DIP2C: variants seen among roughly 807,000 people sequenced by gnomAD.
The protein encoded by DIP2C is DIP2 acetate--CoA ligase C (putative).
Under a neutral mutation model 192.4 loss-of-function variants are expected in DIP2C, and 33 were observed. That is an observed-to-expected ratio of 0.17 (90% CI 0.13 to 0.23). The LOEUF is 0.23. Ranked by LOEUF, DIP2C falls within the 10% of genes least tolerant of loss-of-function variation. The pLI is 1.00. For synonymous variants in DIP2C, 979 were observed against 864.1 expected, an observed-to-expected ratio of 1.13 and a Z score of -2.33; for missense variants, 1,537 against 2,110.1, an observed-to-expected ratio of 0.73 and a Z score of 5.32.
chr10:674,924 C>T (rs1442838823), intron 1 of DIP2C, among the ~76,000 whole-genome samples: 1 of 151,418 alleles, frequency 6.6e-6, no homozygotes, highest in East Asian at 1.9e-4. Context: ...ATTTAAAGTA[C>T]AGTATAGACC....
At chr10:299,263 T>G (rs1955905789) in intron 32 of DIP2C, among the ~76,000 whole-genome samples, 1 of 152,250 alleles carries the variant, frequency 6.6e-6, no homozygotes, top group African/African-American at 2.4e-5. Context: ...TTCAGTAATT[T>G]TAATATTGAT....
intron 1 of DIP2C, chr10:650,768 T>C (rs1384384996): frequency 4.5e-6 from 3 of 662,114 alleles, no homozygotes; most frequent in Non-Finnish European, 8.4e-6. Context: ...TTTAAGTTGT[T>C]TTCTGTAATT....
intron 31 of DIP2C, among the ~76,000 whole-genome samples, chr10:326,182 C>G (rs1957265246): frequency 6.6e-6 from 1 of 152,104 alleles, no homozygotes; most frequent in African/African-American, 2.4e-5. Context: ...CAGAGTGATA[C>G]CCTGTCTCAA....
intron 24 of DIP2C, among the ~76,000 whole-genome samples, chr10:351,830 C>T (rs888001379): frequency 6.6e-6 from 1 of 152,170 alleles, no homozygotes; most frequent in East Asian, 1.9e-4. Flanking sequence ...TTGCCGCCAA[C>T]GTCCTCTGAG....
At chr10:428,179 CAT>C (rs1426248335) in intron 4 of DIP2C, among the ~76,000 whole-genome samples, 1 of 152,046 alleles carries the variant, frequency 6.6e-6, no homozygotes, top group African/African-American at 2.4e-5. Flanking sequence ...ATTCTAAGAT[CAT>C]AAAAAACTAA....
chr10:524,376 T>C (rs1053974702), intron 1 of DIP2C, among the ~76,000 whole-genome samples: 2 of 152,244 alleles, frequency 1.3e-5, no homozygotes, highest in Non-Finnish European at 2.9e-5. Context: ...ATTACCTTCA[T>C]GGTCATCAAG....
intron 1 of DIP2C, among the ~76,000 whole-genome samples, chr10:522,908 C>A (rs1040184707): frequency 2.6e-5 from 4 of 152,004 alleles, no homozygotes; most frequent in Non-Finnish European, 5.9e-5. Context: ...CTCGTTTCTA[C>A]CTGAGCAAAG....
chr10:407,022 C>G (rs906320156), intron 9 of DIP2C, among the ~76,000 whole-genome samples: 1 of 152,122 alleles, frequency 6.6e-6, no homozygotes, highest in Non-Finnish European at 1.5e-5. Context: ...AGCCCTCACC[C>G]GCCAAGTTAT....
At chr10:498,401 C>T (rs1224476234) in intron 1 of DIP2C, among the ~76,000 whole-genome samples, 1 of 152,130 alleles carries the variant, frequency 6.6e-6, no homozygotes, top group East Asian at 1.9e-4. Flanking sequence ...CCTGAGTGAA[C>T]TAATTCCACT....
intron 1 of DIP2C, among the ~76,000 whole-genome samples, chr10:677,315 C>G (rs1344257742): frequency 1.3e-5 from 2 of 152,188 alleles, no homozygotes; most frequent in African/African-American, 2.4e-5. Flanking sequence ...AGTTTCAACC[C>G]CAGCACAATT....
intron 1 of DIP2C, among the ~76,000 whole-genome samples, chr10:589,945 T>G (rs1851305209): frequency 6.6e-6 from 1 of 152,236 alleles, no homozygotes; most frequent in South Asian, 2.1e-4. Context: ...CTGAGAAGCG[T>G]GTGATAAGTT....
At chr10:405,584 A>G (rs562783870) in intron 9 of DIP2C, among the ~76,000 whole-genome samples, 144 of 152,352 alleles carry the variant, frequency 9.5e-4, no homozygotes, top group African/African-American at 3.3e-3. Context: ...TGAATCAGTC[A>G]CAAATCCTGT....
chr10:392,548 C>A (rs1476390463), intron 10 of DIP2C, among the ~76,000 whole-genome samples: 1 of 152,216 alleles, frequency 6.6e-6, no homozygotes, highest in East Asian at 1.9e-4. Context: ...TGCTGCTCCT[C>A]CGCACGTGTA....
intron 1 of DIP2C, among the ~76,000 whole-genome samples, chr10:577,553 A>G (rs1444879368): frequency 1.3e-5 from 2 of 152,208 alleles, no homozygotes; most frequent in Non-Finnish European, 2.9e-5. Flanking sequence ...CTCAGCACGC[A>G]GTGAGAACTC....
intron 1 of DIP2C, among the ~76,000 whole-genome samples, chr10:679,140 C>T (rs532719343): frequency 1.1e-4 from 1 of 9,332 alleles, no homozygotes; most frequent in African/African-American, 1.4e-4. Context: ...ACCCATCCTC[C>T]CTGCGCCCAT....
rs573050768 is a variant in DIP2C, at chr10:280,854, TA to T, written c.4418+345del. Reference sequence around the variant, plus strand: ...CTTCCAGTTCCCAAGTCAACAGTCATAAAAGTATTTTCTGTGCCTACATATG... The same window carrying T: ...CTTCCAGTTCCCAAGTCAACAGTCATAAAGTATTTTCTGTGCCTACATATG... On this transcript the variant is annotated intron_variant, in intron 36 of 36. Coordinates refer to ENST00000280886, the MANE Select transcript of DIP2C (RefSeq NM_014974.3). Among the ~76,000 whole-genome samples, 844 of 152,328 alleles carry T rather than the reference TA, an allele frequency of 5.5e-3. 6 individuals carry two copies. Among genetic ancestry groups the T allele is most frequent in the African/African-American group, 0.019 (807 of 41,566 alleles).
chr10:464,154 T>C (rs369712949), intron 3 of DIP2C, among the ~76,000 whole-genome samples: 5 of 152,118 alleles, frequency 3.3e-5, no homozygotes, highest in African/African-American at 9.7e-5. Context: ...TGGCATCTAA[T>C]TAAACTAAAG....
chr10:414,726 TGTGTGTGTGTGTGTAC>T (rs1462583164), intron 7 of DIP2C, among the ~76,000 whole-genome samples: 7 of 79,514 alleles, frequency 8.8e-5, no homozygotes, highest in African/African-American at 3.1e-4. Flanking sequence ...TGTGTGTGTG[TGTGTGTGTGTGTGTAC>T]ATATATATAT....
intron 29 of DIP2C, among the ~76,000 whole-genome samples, chr10:339,278 G>C (rs1261368931): frequency 2.0e-5 from 3 of 152,138 alleles, no homozygotes; most frequent in East Asian, 1.9e-4. Context: ...TGTTTCTATA[G>C]AGATTTTTTT....
Sources: allele counts gnomAD v4.1 joint callset (sites outside exome capture counted in the v4.1 genomes callset), GRCh38; gene constraint gnomAD v4.1.1; transcripts MANE v1.5; gene names NCBI Gene and HGNC (gene_info 2026-07-23, HGNC 2026-07-21).